The following CDK8 variants were observed in gnomAD, a reference collection of about 807,000 sequenced individuals.
CDK8 encodes the protein cyclin-dependent kinase 8.
Under a neutral mutation model 71.5 loss-of-function variants are expected in CDK8, and 29 were observed. The ratio of observed to expected loss-of-function variants is 0.41; its 90% CI spans 0.30 to 0.55. CDK8 has a LOEUF of 0.55. Ranked by LOEUF, CDK8 falls within the 20% of genes least tolerant of loss-of-function variation. The pLI, the probability that CDK8 is intolerant of heterozygous loss-of-function variation, is 0.37. For missense variants in CDK8, 288 were observed against 572.6 expected (o/e 0.50, Z 5.07); for synonymous variants, 161 against 192.1 (o/e 0.84, Z 1.34).
At chr13:26,321,588 G>A (rs1221681673) in intron 1 of CDK8, among the ~76,000 whole-genome samples, 2 of 152,118 alleles carry the variant, frequency 1.3e-5, no homozygotes, top group Non-Finnish European at 1.5e-5. Flanking sequence ...GACAATGTGT[G>A]TAATAAGCTA....
intron 8 of CDK8, 124 bp from the exon 9 acceptor site, chr13:26,397,029 C>T (rs1876027238): frequency 1.1e-5 from 7 of 646,268 alleles, no homozygotes; most frequent in East Asian, 5.8e-5. Context: ...ATTTTATGCT[C>T]ATAGTGTTTT....
intron 1 of CDK8, among the ~76,000 whole-genome samples, chr13:26,293,851 T>G (rs1873418234): frequency 6.6e-6 from 1 of 152,170 alleles, no homozygotes; most frequent in South Asian, 2.1e-4. Flanking sequence ...ATTTGTTCTA[T>G]AATATATATT....
At chr13:26,342,188 C>T (rs1237224473) in intron 2 of CDK8, among the ~76,000 whole-genome samples, 2 of 152,246 alleles carry the variant, frequency 1.3e-5, no homozygotes, top group South Asian at 2.1e-4. Context: ...GCTGGGATTA[C>T]AGGCGGCAGC....
intron 10 of CDK8, among the ~76,000 whole-genome samples, chr13:26,400,922 A>T (rs545515752): frequency 8.5e-5 from 13 of 152,268 alleles, no homozygotes; most frequent in African/African-American, 3.1e-4. Context: ...TAAATGTAGT[A>T]GGAAGGGTAA....
chr13:26,350,031 A>G (rs923960244), intron 3 of CDK8, among the ~76,000 whole-genome samples: 3 of 152,324 alleles, frequency 2.0e-5, no homozygotes, highest in Non-Finnish European at 2.9e-5. Flanking sequence ...AGTAACATGT[A>G]CAGGTTTGTA....
At chr13:26,310,873 TTTGCA>T (rs779876150) in intron 1 of CDK8, among the ~76,000 whole-genome samples, 33 of 152,298 alleles carry the variant, frequency 2.2e-4, no homozygotes, top group Non-Finnish European at 4.0e-4. Context: ...CTCCATTGGC[TTTGCA>T]TTGCATTTTA....
intron 6 of CDK8, among the ~76,000 whole-genome samples, chr13:26,386,400 C>T (rs1875478210): frequency 6.6e-6 from 1 of 152,060 alleles, no homozygotes; most frequent in East Asian, 1.9e-4. Context: ...TATTTTGTGT[C>T]TTTATGGTTT....
At chr13:26,319,934 A>T (rs1286446753) in intron 1 of CDK8, among the ~76,000 whole-genome samples, 1 of 152,128 alleles carries the variant, frequency 6.6e-6, no homozygotes, top group Non-Finnish European at 1.5e-5. Flanking sequence ...TGGTCAAATG[A>T]TTTTTTTACA....
intron 1 of CDK8, among the ~76,000 whole-genome samples, chr13:26,335,920 TAACAAC>T (rs71080255): frequency 0.37 from 55,871 of 149,904 alleles, 10,407 homozygotes; most frequent in East Asian, 0.5. Flanking sequence ...TTCTCTTGCT[TAACAAC>T]AACAACAACA....
At chr13:26,396,400 G>T in intron 8 of CDK8, 46 bp downstream of exon 8, 1 of 876,844 alleles carries the variant, frequency 1.1e-6, no homozygotes, top group South Asian at 1.7e-5. Context: ...TGCTTTACCA[G>T]AATACTCAGT....
At chr13:26,261,579 G>T (rs866269063) in intron 1 of CDK8, among the ~76,000 whole-genome samples, 3 of 152,186 alleles carry the variant, frequency 2.0e-5, no homozygotes, top group Middle Eastern at 3.4e-3. Context: ...TTTTGTGTTT[G>T]TGTTTCTTTA....
At chr13:26,256,871 C>G (rs1308378367) in intron 1 of CDK8, among the ~76,000 whole-genome samples, 1 of 152,054 alleles carries the variant, frequency 6.6e-6, no homozygotes, top group Non-Finnish European at 1.5e-5. Context: ...GATCAAATGT[C>G]AAGAGAGTTT....
At chr13:26,299,897 T>C (rs1873746555) in intron 1 of CDK8, among the ~76,000 whole-genome samples, 1 of 152,214 alleles carries the variant, frequency 6.6e-6, no homozygotes, top group Non-Finnish European at 1.5e-5. Flanking sequence ...CTGGGCCATG[T>C]ATAGTCTCTG....
intron 1 of CDK8, among the ~76,000 whole-genome samples, chr13:26,282,100 G>C (rs1358951867): frequency 6.6e-6 from 1 of 151,916 alleles, no homozygotes; most frequent in Non-Finnish European, 1.5e-5. Flanking sequence ...TATAATTGGT[G>C]GTCCTGAGGA....
At chr13:26,257,229 G>A (rs190155228) in intron 1 of CDK8, among the ~76,000 whole-genome samples, 191 of 152,248 alleles carry the variant, frequency 1.3e-3, no homozygotes, top group African/African-American at 4.5e-3. Flanking sequence ...AGGAAGTAAC[G>A]CAAATAAGCT....
At chr13:26,279,034 G>T (rs540084139) in intron 1 of CDK8, among the ~76,000 whole-genome samples, 6 of 152,194 alleles carry the variant, frequency 3.9e-5, no homozygotes, top group African/African-American at 1.4e-4. Flanking sequence ...TGTGCATTTT[G>T]GTATCTGCTG....
chr13:26,360,980 T>C (rs1054942207), intron 4 of CDK8, among the ~76,000 whole-genome samples: 2 of 152,226 alleles, frequency 1.3e-5, no homozygotes, highest in African/African-American at 2.4e-5. Flanking sequence ...ACTAATGATA[T>C]TGACCTATTG....
rs116275375 is a variant in CDK8 at position 26,278,872 on chromosome 13, C to T, written c.128+24103C>T. On this transcript the variant is annotated intron_variant, in intron 1 of 12. Coordinates refer to ENST00000381527, the MANE Select transcript of CDK8 (RefSeq NM_001260.3). The stretch of plus-strand genomic sequence containing the variant: ...GAACAGTTACAGACTTTTTTCTTTT[C>T]ATTTTCCCCTAAACAACATAACAAT... Among the ~76,000 whole-genome samples, 1,170 of 151,702 alleles carry T rather than the reference C, an allele frequency of 7.7e-3. 14 individuals are homozygous for T. The highest frequency in any genetic ancestry group is 0.027 in the African/African-American group (1,118 of 41,110).
At chr13:26,390,428 C>G (rs2138058451) in intron 6 of CDK8, among the ~76,000 whole-genome samples, 1 of 152,308 alleles carries the variant, frequency 6.6e-6, no homozygotes, top group Middle Eastern at 3.4e-3. Flanking sequence ...GAACTGCAAG[C>G]TGAGTCACTA....
Sources: gnomAD v4.1 joint callset for allele counts (sites outside exome capture counted in the v4.1 genomes callset) on GRCh38, gnomAD v4.1.1 for gene constraint, MANE v1.5 for transcripts, NCBI Gene and HGNC (gene_info 2026-07-23, HGNC 2026-07-21) for gene names.